The following COL4A3 variants were observed in gnomAD, a reference collection of about 807,000 sequenced individuals.
COL4A3 encodes the protein collagen alpha-3(IV) chain.
In COL4A3, 135 loss-of-function variants were observed where a neutral mutation model predicts 217.4. The ratio of observed to expected loss-of-function variants is 0.62; its 90% CI spans 0.54 to 0.72. COL4A3 has a LOEUF of 0.72. Among genes scored for constraint, COL4A3 ranks in the 30% least tolerant of loss-of-function variants. The probability of loss-of-function intolerance (pLI) is 0.00; values close to 1 mark genes in which losing one functional copy is unlikely to be tolerated. For missense variants in COL4A3, 1,868 were observed against 2,119.9 expected, an observed-to-expected ratio of 0.88 and a Z score of 2.33; for synonymous variants, 690 against 736.3, an observed-to-expected ratio of 0.94 and a Z score of 1.02.
chr2:227,307,861 C>T lies in COL4A3; in HGVS notation c.4404C>T (p.Tyr1468=). Residue 1468 remains tyrosine (Y), a synonymous_variant, in exon 48 of 52, where the codon TAC becomes TAT. Transcript: ENST00000396578. ...GTCCAGAGGGGACAGTGCCACTCTACAGTGGGTTTTCTTTTCTTTTTGTAC... is the reference window on the plus strand; with the variant it reads ...GTCCAGAGGGGACAGTGCCACTCTATAGTGGGTTTTCTTTTCTTTTTGTAC... ...PSCPEGTVPL[Y]SGFSFLFVQG... 3 of 1,614,162 alleles carry T rather than the reference C, an allele frequency of 1.9e-6. No individual in the cohort carries two copies. Among genetic ancestry groups the T allele is most frequent in the Non-Finnish European group, 1.7e-6 (2 of 1,180,012 alleles).
intron 36 of COL4A3, 33 bp from the exon 37 acceptor site, chr2:227,290,710 TTATC>T: frequency 6.2e-7 from 1 of 1,602,658 alleles, no homozygotes. Context: ...ATCCTCATGT[TTATC>T]TATTTTACTC....
At chr2:227,236,378 C>T (rs2068698737) in intron 1 of COL4A3, among the ~76,000 whole-genome samples, 1 of 152,154 alleles carries the variant, frequency 6.6e-6, no homozygotes, top group Non-Finnish European at 1.5e-5. Context: ...AGGCCTACTG[C>T]CCAAGACTAA....
Position 227,277,429 on chromosome 2 carries a change from T to A in COL4A3, c.2021-20T>A, listed in dbSNP as rs1271807423. On this transcript the variant is annotated intron_variant, in intron 27 of 51. Coordinates refer to ENST00000396578, the MANE Select transcript of COL4A3 (RefSeq NM_000091.5). Reference sequence around the variant, plus strand: ...GGAAAGTTGCTGATGTGGAGATGCATATGTGTATTTGTTTCTAAGGTATCC... The same window carrying A: ...GGAAAGTTGCTGATGTGGAGATGCAAATGTGTATTTGTTTCTAAGGTATCC... 3 of 1,444,808 alleles carry A rather than the reference T, an allele frequency of 2.1e-6. No individual in the cohort carries two copies. Among genetic ancestry groups the A allele is most frequent in the Non-Finnish European group, 2.9e-6 (3 of 1,029,798 alleles). The allele number at this position is 1,444,808 out of a possible 1,614,324, so 89.5% of individuals were successfully genotyped here. A position where few individuals can be genotyped will look rare whatever the true frequency, so the allele number is the denominator to read the frequency against.
At chr2:227,209,364 G>T (rs1559828931) in intron 1 of COL4A3, among the ~76,000 whole-genome samples, 1 of 152,172 alleles carries the variant, frequency 6.6e-6, no homozygotes, top group Admixed American at 6.6e-5. Context: ...TCCTCAGCAG[G>T]CCTGAACCTT....
At chr2:227,308,009 T>C (rs2073584400) in intron 48 of COL4A3, 90 bp downstream of exon 48, 1 of 1,145,990 alleles carries the variant, frequency 8.7e-7, no homozygotes, top group East Asian at 2.4e-5. Context: ...TGAAGTTAAG[T>C]GTAAATAACC....
At chr2:227,218,175 A>G (rs1403088805) in intron 1 of COL4A3, among the ~76,000 whole-genome samples, 1 of 151,338 alleles carries the variant, frequency 6.6e-6, no homozygotes, top group East Asian at 1.9e-4. Context: ...ATTTGAAAAA[A>G]TGTCGTGTGG....
intron 1 of COL4A3, among the ~76,000 whole-genome samples, chr2:227,202,747 ATAT>A (rs753708385): frequency 0.29 from 4,321 of 14,728 alleles, 164 homozygotes; most frequent in Non-Finnish European, 0.37. Context: ...AAAAAAAAAA[ATAT>A]ATATATATAT....
intron 1 of COL4A3, among the ~76,000 whole-genome samples, chr2:227,202,355 T>C (rs894613523): frequency 6.6e-6 from 1 of 152,162 alleles, no homozygotes; most frequent in East Asian, 1.9e-4. Context: ...AGGTGTTTCT[T>C]GAAGCCCTAA....
chr2:227,271,351 T>C (rs35464358), intron 25 of COL4A3, among the ~76,000 whole-genome samples: 20,451 of 152,066 alleles, frequency 0.13, 1,667 homozygotes, highest in East Asian at 0.26. Context: ...AGGGGTATGG[T>C]AGTCAAATAA....
chr2:227,266,554 C>T (rs770694347), intron 22 of COL4A3, 45 bp downstream of exon 22: 12 of 1,425,278 alleles, frequency 8.4e-6, no homozygotes, highest in Middle Eastern at 1.8e-4. Flanking sequence ...CCTTTTTCAT[C>T]GTCATTATTA....
intron 3 of COL4A3, among the ~76,000 whole-genome samples, chr2:227,241,586 A>G (rs2069021839): frequency 6.6e-6 from 1 of 152,018 alleles, no homozygotes; most frequent in Non-Finnish European, 1.5e-5. Flanking sequence ...AGGTAGGAGG[A>G]TTGCTTGAGC....
At position 227,253,273 on chromosome 2, in the gene COL4A3, T is replaced by C; in HGVS notation, c.646-23T>C. On this transcript the variant is annotated intron_variant, in intron 11 of 51. Coordinates refer to ENST00000396578, the MANE Select transcript of COL4A3 (RefSeq NM_000091.5). The surrounding 1 kb of genome is among the most constrained non-coding windows in gnomAD (Gnocchi z 4.4). ...ATTCATATTTATTTTTAGAAAATAATTTGGTTTTGTGTTTTCTTACAGGGT... is the reference window on the plus strand; with the variant it reads ...ATTCATATTTATTTTTAGAAAATAACTTGGTTTTGTGTTTTCTTACAGGGT... The C allele has an allele frequency of 6.2e-7, 1 of 1,604,392 alleles. No individual in the cohort carries two copies. Among genetic ancestry groups the C allele is most frequent in the Non-Finnish European group, 8.5e-7 (1 of 1,171,256 alleles).
In COL4A3 at chr2:227,251,190, T is replaced by C; in HGVS notation, c.597T>C (p.Pro199=). The C allele has an allele frequency of 6.2e-7, 1 of 1,613,636 alleles. No homozygotes were observed. Among genetic ancestry groups the C allele is most frequent in the Non-Finnish European group, 8.5e-7 (1 of 1,179,606 alleles). Residue 199 remains proline, a synonymous_variant, in exon 10 of 52, where the codon CCT becomes CCC. Coordinates refer to ENST00000396578, the MANE Select transcript of COL4A3 (RefSeq NM_000091.5). ...CTGGGCCTGTTGGCCCACCTGGTCC[T>C]CCGGGATTCTTTGTGAGTATCAAGT... is the stretch of plus-strand genomic sequence containing the variant. ...GFPGPVGPPG[P]PGFFGFPGAM... is the part of the protein sequence containing the mutation.
chr2:227,193,747 G>GGGAGGGAGGGAAGGAAGGAAGGAA lies in COL4A3; in HGVS notation c.87+28937_87+28938insGGGAGGGAAGGAAGGAAGGAAGGA, dbSNP rs2066335782. 2.7e-4 allele frequency among the ~76,000 whole-genome samples: 9 copies of GGGAGGGAGGGAAGGAAGGAAGGAA among 33,504 alleles called. 1 individual carries two copies. Among genetic ancestry groups the GGGAGGGAGGGAAGGAAGGAAGGAA allele is most frequent in the African/African-American group, 7.9e-4 (8 of 10,114 alleles). The allele number at this position is 33,504 out of a possible 152,430, so 22.0% of individuals were successfully genotyped here. On this transcript the variant is annotated intron_variant, in intron 1 of 51. Transcript: ENST00000396578. Reference sequence around the variant, plus strand: ...AAAGAAGGAAGGAGGGAGGGAGGGAGGGAAGGAAGGAAGGAAGGAAGGAAG... The same window carrying GGGAGGGAGGGAAGGAAGGAAGGAA: ...AAAGAAGGAAGGAGGGAGGGAGGGAGGGAGGGAGGGAAGGAAGGAAGGAAGGAAGGAAGGAAGGAAGGAAGGAAG...
At chr2:227,186,180 ATT>A (rs2066026123) in intron 1 of COL4A3, among the ~76,000 whole-genome samples, 1 of 152,112 alleles carries the variant, frequency 6.6e-6, no homozygotes, top group African/African-American at 2.4e-5. Flanking sequence ...ATTTGGTTTG[ATT>A]TTTCGTATAC....
chr2:227,295,524 T>C (rs2072992258), intron 41 of COL4A3, among the ~76,000 whole-genome samples: 1 of 152,230 alleles, frequency 6.6e-6, no homozygotes, highest in Admixed American at 6.5e-5. Context: ...GTGATTCAAT[T>C]TTGGAATTTC....
intron 34 of COL4A3, 38 bp from the exon 35 acceptor site, chr2:227,289,112 G>A (rs377561554): frequency 1.4e-5 from 22 of 1,545,846 alleles, no homozygotes; most frequent in Non-Finnish European, 1.8e-5. Context: ...CACCACACCT[G>A]GCTAATTTTC....
chr2:227,208,694 T>C (rs971673779), intron 1 of COL4A3, among the ~76,000 whole-genome samples: 5 of 151,698 alleles, frequency 3.3e-5, no homozygotes, highest in African/African-American at 1.2e-4. Context: ...CTTTCTCCAT[T>C]GCAGTTCCCC....
chr2:227,247,425 A>ACTTTG, intron 7 of COL4A3, 133 bp from the exon 8 acceptor site: 1 of 821,656 alleles, frequency 1.2e-6, no homozygotes, highest in Non-Finnish European at 2.2e-6. Flanking sequence ...TTAAGGGAAG[A>ACTTTG]CTTTGCTTTG....
Sources: allele counts gnomAD v4.1 joint callset (sites outside exome capture counted in the v4.1 genomes callset), GRCh38; gene constraint gnomAD v4.1.1; non-coding constraint Gnocchi (gnomAD v3.1); transcripts MANE v1.5; gene names NCBI Gene and HGNC (gene_info 2026-07-23, HGNC 2026-07-21).